Variants in CLGN observed in about 807,000 individuals in gnomAD.
The protein encoded by CLGN is calmegin, also known as testis tissue sperm-binding protein Li 79P.
A neutral mutation model predicts 79.1 loss-of-function variants in CLGN; 62 were observed. That is an observed-to-expected ratio of 0.78 (90% CI 0.64 to 0.97). The LOEUF (loss-of-function observed/expected upper bound fraction) is 0.97, where lower values mean the gene tolerates loss of function less well. Among genes scored for constraint, CLGN ranks in the 50% least tolerant of loss-of-function variants. The pLI is 0.00. For synonymous variants in CLGN, 225 were observed against 224.7 expected, an observed-to-expected ratio of 1.00 and a Z score of -0.01; for missense variants, 647 against 715.5, an observed-to-expected ratio of 0.90 and a Z score of 1.09.
chr4:140,403,617 C>G (rs1054351910), intron 5 of CLGN, among the ~76,000 whole-genome samples: 8 of 152,116 alleles, frequency 5.3e-5, no homozygotes, highest in African/African-American at 1.9e-4. Context: ...TATCTCAGGA[C>G]AGAGCATTCT....
intron 5 of CLGN, among the ~76,000 whole-genome samples, 177 bp from the exon 6 acceptor site, chr4:140,402,243 T>A (rs544371530): frequency 6.6e-6 from 1 of 152,058 alleles, no homozygotes; most frequent in Non-Finnish European, 1.5e-5. Context: ...TTTCTACTAC[T>A]CTAAAACAAG....
At chr4:140,392,761 A>G (rs1177457479) in intron 11 of CLGN, 50 bp from the exon 12 acceptor site, 1 of 1,494,396 alleles carries the variant, frequency 6.7e-7, no homozygotes, top group Non-Finnish European at 8.9e-7. Flanking sequence ...ACAAACCTTT[A>G]CTGGGTAACA....
intron 5 of CLGN, among the ~76,000 whole-genome samples, chr4:140,403,062 A>G (rs1379537967): frequency 6.6e-6 from 1 of 152,192 alleles, no homozygotes; most frequent in East Asian, 1.9e-4. Context: ...ATTAAAAAAA[A>G]GGAAACAAAA....
intron 1 of CLGN, among the ~76,000 whole-genome samples, chr4:140,423,901 TTC>T (rs1172964398): frequency 6.6e-6 from 1 of 152,196 alleles, no homozygotes; most frequent in African/African-American, 2.4e-5. Flanking sequence ...TATTTGAGTC[TTC>T]TCTCATTTTT....
chr4:140,389,041 G>A lies in CLGN; in HGVS notation c.*183C>T. 1 of 562,950 alleles carries A rather than the reference G, an allele frequency of 1.8e-6. No homozygotes were observed. Among genetic ancestry groups the A allele is most frequent in the East Asian group, 2.9e-5 (1 of 34,938 alleles). The allele number at this position is 562,950 out of a possible 1,614,324, so 34.9% of individuals were successfully genotyped here. On this transcript the variant is annotated 3_prime_UTR_variant, in exon 15 of 15. Coordinates refer to ENST00000325617, the MANE Select transcript of CLGN (RefSeq NM_004362.3). ...CCACTTTTATTCTAAATTCAAAGAT[G>A]AGGTAACTTCAAAGTTGCTTCTTTT...
At chr4:140,414,564 A>G (rs1374157002) in intron 1 of CLGN, among the ~76,000 whole-genome samples, 1 of 149,668 alleles carries the variant, frequency 6.7e-6, no homozygotes, top group Admixed American at 6.7e-5. Context: ...CAGAAGCCTC[A>G]GGAGCCGATG....
At chr4:140,418,405 G>A (rs1166548559) in intron 1 of CLGN, among the ~76,000 whole-genome samples, 2 of 148,106 alleles carry the variant, frequency 1.4e-5, no homozygotes, top group Admixed American at 6.7e-5. Context: ...TACCATCAGA[G>A]TGAACAAGCA....
intron 1 of CLGN, among the ~76,000 whole-genome samples, chr4:140,427,286 A>T (rs1012558275): frequency 2.6e-5 from 4 of 152,124 alleles, no homozygotes; most frequent in African/African-American, 9.6e-5. Flanking sequence ...GGTGCTGAAG[A>T]CACAAAGGGT....
chr4:140,420,717 C>A (rs369121676), intron 1 of CLGN, among the ~76,000 whole-genome samples: 1 of 152,074 alleles, frequency 6.6e-6, no homozygotes, highest in Non-Finnish European at 1.5e-5. Context: ...AAGTTCCAAA[C>A]AAAACTATGA....
intron 1 of CLGN, among the ~76,000 whole-genome samples, chr4:140,421,256 A>G (rs537487023): frequency 1.3e-5 from 2 of 152,280 alleles, no homozygotes; most frequent in Middle Eastern, 6.8e-3. Context: ...TAATCCTACA[A>G]TGAATATGGG....
intron 8 of CLGN, among the ~76,000 whole-genome samples, chr4:140,397,035 C>A (rs1346156692): frequency 2.0e-5 from 3 of 150,192 alleles, no homozygotes; most frequent in Non-Finnish European, 4.4e-5. Flanking sequence ...TTTAGTGTTT[C>A]CAAAATTTTA....
chr4:140,395,938 G>T lies in CLGN; in HGVS notation c.1030C>A (p.Pro344Thr). ...NEDTDGEWEA[P>T]QILNPACRIG... is the part of the protein sequence containing the mutation. ...CGACATGCTGGATTAAGAATCTGAG[G>T]TGCCTCCCATTCTCCATCCGTGTCT... Residue 344 changes from proline to threonine, a missense_variant, in exon 10 of 15, where the codon CCT (proline) becomes ACT (threonine). Transcript: ENST00000325617. The T allele has an allele frequency of 1.2e-6, 2 of 1,601,256 alleles. No homozygotes were observed. Among genetic ancestry groups the T allele is most frequent in the Non-Finnish European group, 8.5e-7 (1 of 1,175,662 alleles).
intron 14 of CLGN, 48 bp downstream of exon 14, chr4:140,390,580 T>C (rs1286157543): frequency 7.5e-7 from 1 of 1,324,630 alleles, no homozygotes; most frequent in Non-Finnish European, 1.0e-6. Context: ...TTGAAAAAAC[T>C]TTTTATGGAT....
At chr4:140,407,623 C>G (rs969121388) in intron 4 of CLGN, among the ~76,000 whole-genome samples, 1 of 143,736 alleles carries the variant, frequency 7.0e-6, no homozygotes, top group Non-Finnish European at 1.5e-5. Context: ...ATATTCTTAA[C>G]AGAGGTGAAA....
chr4:140,401,856 C>T, intron 6 of CLGN, 129 bp downstream of exon 6: 1 of 564,934 alleles, frequency 1.8e-6, no homozygotes. Context: ...TATGTAAATT[C>T]ACATTGAAAA....
rs1171599234 is a variant in CLGN, at chr4:140,415,296, C to T, written c.-9-2209G>A. ...ACTAGGAAGAAACTGCATCAACTAA[C>T]GAGCAAAATAACCAGCTAACATCAT... On this transcript the variant is annotated intron_variant, in intron 1 of 14. Coordinates refer to ENST00000325617, the MANE Select transcript of CLGN (RefSeq NM_004362.3). Among the ~76,000 whole-genome samples, 62 of 151,872 alleles carry T rather than the reference C, an allele frequency of 4.1e-4. 2 individuals carry two copies. Among genetic ancestry groups the T allele is most frequent in the African/African-American group, 1.4e-3 (57 of 41,428 alleles).
intron 8 of CLGN, among the ~76,000 whole-genome samples, chr4:140,396,926 C>CACAT (rs1553944682): frequency 2.1e-4 from 26 of 121,948 alleles, no homozygotes; most frequent in African/African-American, 8.5e-4. Flanking sequence ...TATATATACA[C>CACAT]ATATATATAT....
chr4:140,398,263 C>CTTTT lies in CLGN; in HGVS notation c.884+584_884+587dup, dbSNP rs1162212217. ...TCTCTCATTTAAGGGCAAACATACT[C>CTTTT]TTTTTTTTTTTTTTTTTTTTTTTTG... On this transcript the variant is annotated intron_variant, in intron 8 of 14. Coordinates refer to ENST00000325617, the MANE Select transcript of CLGN (RefSeq NM_004362.3). Among the ~76,000 whole-genome samples the CTTTT allele has an allele frequency of 1.7e-3, 151 of 86,794 alleles. 1 individual carries two copies. Among genetic ancestry groups the CTTTT allele is most frequent in the East Asian group, 4.9e-3 (15 of 3,064 alleles). 56.9% of individuals were successfully genotyped at this position (86,794 alleles called of 152,430 possible).
intron 2 of CLGN, among the ~76,000 whole-genome samples, chr4:140,410,955 T>C (rs1283636156): frequency 1.3e-5 from 2 of 152,044 alleles, no homozygotes; most frequent in East Asian, 3.8e-4. Flanking sequence ...ATGAAAAGCA[T>C]GTAAGATGTA....
Sources: gnomAD v4.1 joint callset for allele counts (sites outside exome capture counted in the v4.1 genomes callset) on GRCh38, gnomAD v4.1.1 for gene constraint, MANE v1.5 for transcripts, NCBI Gene and HGNC (gene_info 2026-07-23, HGNC 2026-07-21) for gene names.